Variants in STXBP5L observed in about 807,000 individuals in gnomAD.
STXBP5L encodes the protein syntaxin-binding protein 5-like.
STXBP5L carries 65 observed loss-of-function variants against 144.5 expected under a neutral mutation model. That is an observed-to-expected ratio of 0.45 (90% CI 0.37 to 0.55). The LOEUF is 0.55. Among genes scored for constraint, STXBP5L ranks in the 20% least tolerant of loss-of-function variants. STXBP5L has a pLI of 0.00. For missense variants in STXBP5L, 1,298 were observed against 1,405.5 expected, an observed-to-expected ratio of 0.92 and a Z score of 1.22; for synonymous variants, 505 against 469.6, an observed-to-expected ratio of 1.08 and a Z score of -0.97.
intron 20 of STXBP5L, among the ~76,000 whole-genome samples, chr3:121,338,668 A>G (rs1338766563): frequency 6.6e-6 from 1 of 151,650 alleles, no homozygotes; most frequent in East Asian, 1.9e-4. Context: ...GAGAAAGAAA[A>G]AAAGAAAGAG....
intron 3 of STXBP5L, among the ~76,000 whole-genome samples, chr3:121,025,924 CTATAATTTTATAAATTA>C (rs566657265): frequency 0.1 from 14,439 of 143,706 alleles, 1,130 homozygotes; most frequent in Admixed American, 0.2. Context: ...ATAAATATAT[CTATAATTTTATAAATTA>C]TATCAATATA....
At chr3:121,231,349 G>T (rs1267248987) in intron 11 of STXBP5L, among the ~76,000 whole-genome samples, 1 of 152,146 alleles carries the variant, frequency 6.6e-6, no homozygotes, top group African/African-American at 2.4e-5. Context: ...TGCCTTAAAA[G>T]CAATCTCGAC....
chr3:121,251,370 A>G (rs1209243756), intron 15 of STXBP5L, among the ~76,000 whole-genome samples: 1 of 152,176 alleles, frequency 6.6e-6, no homozygotes, highest in Admixed American at 6.5e-5. Flanking sequence ...AAAACAATAT[A>G]AGAACTCTCA....
At chr3:120,972,808 T>G (rs1940428419) in intron 3 of STXBP5L, among the ~76,000 whole-genome samples, 1 of 152,150 alleles carries the variant, frequency 6.6e-6, no homozygotes, top group Non-Finnish European at 1.5e-5. Flanking sequence ...ATGCTTTTTC[T>G]TCATCTATTG....
intron 20 of STXBP5L, among the ~76,000 whole-genome samples, chr3:121,349,858 A>C (rs2045194610): frequency 6.6e-6 from 1 of 151,988 alleles, no homozygotes; most frequent in African/African-American, 2.4e-5. Context: ...CTGTCTCTGC[A>C]TGTGAGATGG....
intron 9 of STXBP5L, among the ~76,000 whole-genome samples, chr3:121,182,960 T>C (rs2047219919): frequency 6.6e-6 from 1 of 152,118 alleles, no homozygotes; most frequent in Admixed American, 6.6e-5. Flanking sequence ...AGATTACACA[T>C]CATAATCAAG....
At chr3:121,091,261 C>A (rs945219207) in intron 5 of STXBP5L, among the ~76,000 whole-genome samples, 4 of 147,074 alleles carry the variant, frequency 2.7e-5, no homozygotes, top group Non-Finnish European at 5.9e-5. Context: ...GTCTTTATAG[C>A]AGCATGATTT....
intron 20 of STXBP5L, among the ~76,000 whole-genome samples, chr3:121,320,476 A>T (rs1414453675): frequency 6.6e-6 from 1 of 152,026 alleles, no homozygotes; most frequent in Non-Finnish European, 1.5e-5. Flanking sequence ...AAAGGAAAAA[A>T]TTGGCTAGGG....
At chr3:121,341,966 A>G (rs1004800283) in intron 20 of STXBP5L, among the ~76,000 whole-genome samples, 1 of 152,040 alleles carries the variant, frequency 6.6e-6, no homozygotes, top group African/African-American at 2.4e-5. Flanking sequence ...TTTATTGTAT[A>G]TTTTAGAATA....
At chr3:121,373,721 G>A (rs938923326) in intron 20 of STXBP5L, among the ~76,000 whole-genome samples, 3 of 152,126 alleles carry the variant, frequency 2.0e-5, no homozygotes, top group African/African-American at 4.8e-5. Context: ...GACACCACTA[G>A]TGCCTGTATA....
chr3:120,925,722 C>T (rs941380166), intron 2 of STXBP5L, among the ~76,000 whole-genome samples: 1 of 152,112 alleles, frequency 6.6e-6, no homozygotes, highest in African/African-American at 2.4e-5. Flanking sequence ...TTCTTCATTT[C>T]TTCCTTTCTT....
At chr3:121,051,236 T>C (rs1947963714) in intron 5 of STXBP5L, among the ~76,000 whole-genome samples, 1 of 152,192 alleles carries the variant, frequency 6.6e-6, no homozygotes, top group Non-Finnish European at 1.5e-5. Flanking sequence ...CAAGCAGACC[T>C]AATAGACATC....
At chr3:121,230,888 G>T (rs867628355) in intron 11 of STXBP5L, among the ~76,000 whole-genome samples, 1 of 152,100 alleles carries the variant, frequency 6.6e-6, no homozygotes, top group African/African-American at 2.4e-5. Context: ...CAAAGTAGTC[G>T]GGCGGACCGG....
At chr3:121,294,350 T>C (rs975589802) in intron 19 of STXBP5L, among the ~76,000 whole-genome samples, 1 of 152,240 alleles carries the variant, frequency 6.6e-6, no homozygotes, top group Non-Finnish European at 1.5e-5. Context: ...GAGCCACTTA[T>C]TGTCATGATA....
intron 20 of STXBP5L, among the ~76,000 whole-genome samples, chr3:121,346,130 G>A (rs577858199): frequency 2.6e-5 from 3 of 113,592 alleles, no homozygotes; most frequent in African/African-American, 1.0e-4. Flanking sequence ...ACAGGCCCCA[G>A]GGTGTGATGT....
intron 23 of STXBP5L, among the ~76,000 whole-genome samples, chr3:121,408,497 CA>C (rs1202491423): frequency 2.6e-5 from 4 of 151,926 alleles, no homozygotes; most frequent in East Asian, 3.9e-4. Flanking sequence ...TAAATTCCAA[CA>C]GAGGAAATAT....
At chr3:121,052,782 A>C (rs1272715026) in intron 5 of STXBP5L, among the ~76,000 whole-genome samples, 3 of 152,146 alleles carry the variant, frequency 2.0e-5, no homozygotes, top group African/African-American at 7.2e-5. Flanking sequence ...AGGGTATTCA[A>C]TTAGGAAAAG....
intron 3 of STXBP5L, among the ~76,000 whole-genome samples, chr3:121,004,325 G>A (rs1364798040): frequency 6.6e-6 from 1 of 151,756 alleles, no homozygotes; most frequent in Non-Finnish European, 1.5e-5. Flanking sequence ...GTGAATGGGA[G>A]TTCACTCATG....
intron 20 of STXBP5L, among the ~76,000 whole-genome samples, chr3:121,338,511 G>A (rs1234483497): frequency 1.3e-5 from 2 of 149,310 alleles, no homozygotes; most frequent in Non-Finnish European, 3.0e-5. Context: ...GGGGGTGGTG[G>A]TGCCGCCTGT....
Sources: allele counts gnomAD v4.1 joint callset (sites outside exome capture counted in the v4.1 genomes callset), GRCh38; gene constraint gnomAD v4.1.1; transcripts MANE v1.5; gene names NCBI Gene and HGNC (gene_info 2026-07-23, HGNC 2026-07-21).